Variants in SCAI observed in about 807,000 individuals in gnomAD.
SCAI encodes the protein protein SCAI.
In SCAI, 24 loss-of-function variants were observed where a neutral mutation model predicts 92.2. That is an observed-to-expected ratio of 0.26 (90% confidence interval 0.19 to 0.37). SCAI has a LOEUF of 0.37. Among genes scored for constraint, SCAI ranks in the 10% least tolerant of loss-of-function variants. The probability of loss-of-function intolerance (pLI) is 1.00; values close to 1 mark genes in which losing one functional copy is unlikely to be tolerated. For missense variants in SCAI, 450 were observed against 736.2 expected, an observed-to-expected ratio of 0.61 and a Z score of 4.50; for synonymous variants, 261 against 258.6, an observed-to-expected ratio of 1.01 and a Z score of -0.09.
At chr9:125,028,582 C>T in intron 4 of SCAI, 104 bp from the exon 5 acceptor site, 1 of 477,304 alleles carries the variant, frequency 2.1e-6, no homozygotes, top group Non-Finnish European at 3.6e-6. Context: ...TTCAGCAAAG[C>T]TAATGAATTT....
Position 125,143,442 on chromosome 9 carries a change from C to T in SCAI, c.-5G>A. Reference sequence around the variant, plus strand: ...CTGCCGGGCTCCTCTGACCATCCGGCTCCTGCTCCGCCGCGGGAGCTGCTC... The same window carrying T: ...CTGCCGGGCTCCTCTGACCATCCGGTTCCTGCTCCGCCGCGGGAGCTGCTC... On this transcript the variant is annotated 5_prime_UTR_variant, in exon 1 of 18. Transcript: ENST00000336505. 7.3e-7 allele frequency: 1 copy of T among 1,368,014 alleles called. No individual in the cohort carries two copies. Among genetic ancestry groups the T allele is most frequent in the South Asian group, 1.6e-5 (1 of 61,354 alleles). The allele number at this position is 1,368,014 out of a possible 1,614,324, so 84.7% of individuals were successfully genotyped here. A position where few individuals can be genotyped will look rare whatever the true frequency, so the allele number is the denominator to read the frequency against.
chr9:124,964,416 C>T (rs145690281), intron 17 of SCAI, among the ~76,000 whole-genome samples: 1 of 152,326 alleles, frequency 6.6e-6, no homozygotes, highest in Non-Finnish European at 1.5e-5. Flanking sequence ...TCATGCACAA[C>T]ATCTAGACAC....
intron 2 of SCAI, among the ~76,000 whole-genome samples, chr9:125,137,850 C>T (rs1177422442): frequency 6.6e-6 from 1 of 152,194 alleles, no homozygotes; most frequent in Non-Finnish European, 1.5e-5. Flanking sequence ...GATCCACCCG[C>T]CTCAGCCTCC....
Position 125,026,810 on chromosome 9 carries a change from A to C in SCAI, c.512+2T>G. On this transcript the variant is annotated splice_donor_variant, in intron 6 of 17. Transcript: ENST00000336505. LOFTEE classifies it high-confidence loss of function. ...CTTTCTAAAAACATAGCAGATACATACCTGTCCTCTTTATTGACTTGAGAA... is the reference window on the plus strand; with the variant it reads ...CTTTCTAAAAACATAGCAGATACATCCCTGTCCTCTTTATTGACTTGAGAA... 5 of 1,420,420 alleles carry C rather than the reference A, an allele frequency of 3.5e-6. No individual in the cohort carries two copies. Among genetic ancestry groups the C allele is most frequent in the Non-Finnish European group, 5.0e-6 (5 of 1,009,800 alleles). The allele number at this position is 1,420,420 out of a possible 1,614,324, so 88.0% of individuals were successfully genotyped here. A position where few individuals can be genotyped will look rare whatever the true frequency, so the allele number is the denominator to read the frequency against.
At chr9:125,130,071 G>A (rs1041365550) in intron 2 of SCAI, among the ~76,000 whole-genome samples, 2 of 151,502 alleles carry the variant, frequency 1.3e-5, no homozygotes, top group African/African-American at 4.9e-5. Context: ...GCTAATTTTT[G>A]TATTTTTAGT....
At chr9:125,105,452 C>G (rs1449372338) in intron 2 of SCAI, among the ~76,000 whole-genome samples, 1 of 152,226 alleles carries the variant, frequency 6.6e-6, no homozygotes, top group Non-Finnish European at 1.5e-5. Context: ...GGCCTTTTGG[C>G]CAAGATCAAG....
At chr9:124,972,128 T>A (rs1034143271) in intron 15 of SCAI, among the ~76,000 whole-genome samples, 50 of 152,186 alleles carry the variant, frequency 3.3e-4, no homozygotes, top group Non-Finnish European at 5.6e-4. Context: ...ATGGCAAGTG[T>A]TGGATTATGG....
intron 9 of SCAI, among the ~76,000 whole-genome samples, chr9:125,015,723 AT>A (rs1832743714): frequency 6.6e-6 from 1 of 152,194 alleles, no homozygotes. Flanking sequence ...ATAAAGACAC[AT>A]GCACACGTAT....
At chr9:124,999,740 A>G (rs1422716843) in intron 13 of SCAI, 151 bp downstream of exon 13, 1 of 526,130 alleles carries the variant, frequency 1.9e-6, no homozygotes, top group Non-Finnish European at 3.3e-6. Context: ...TTATTGCTGG[A>G]ATCCAAATAA....
chr9:125,082,721 G>T (rs1226281213), intron 2 of SCAI, among the ~76,000 whole-genome samples: 1 of 152,242 alleles, frequency 6.6e-6, no homozygotes, highest in Non-Finnish European at 1.5e-5. Flanking sequence ...GGAGCTTTAA[G>T]ATTTGACTGC....
intron 17 of SCAI, chr9:124,968,346 A>T (rs1831581058): frequency 1.7e-6 from 2 of 1,210,030 alleles, no homozygotes; most frequent in African/African-American, 3.0e-5. Context: ...TTTGGTTTTT[A>T]AGGCTTTAGT....
Position 125,055,859 on chromosome 9 carries a change from AC to A in SCAI, c.230+16del. 2.5e-6 allele frequency: 4 copies of A among 1,580,710 alleles called. No homozygotes were observed. Among genetic ancestry groups the A allele is most frequent in the Non-Finnish European group, 3.4e-6 (4 of 1,168,776 alleles). On this transcript the variant is annotated intron_variant, in intron 3 of 17. Coordinates refer to ENST00000336505, the MANE Select transcript of SCAI (RefSeq NM_001144877.3). ...GCAGAACTAAAGAAAAGTTCAAAAC[AC>A]CAAGAGTCCACTCACCTTAACCCAT...
At chr9:125,029,065 T>A (rs1412744256) in intron 4 of SCAI, among the ~76,000 whole-genome samples, 1 of 152,226 alleles carries the variant, frequency 6.6e-6, no homozygotes, top group African/African-American at 2.4e-5. Context: ...CCTAAAGTGC[T>A]GGGATTACAG....
chr9:125,060,633 TAGTG>T (rs1184166084), intron 2 of SCAI, among the ~76,000 whole-genome samples: 6 of 152,186 alleles, frequency 3.9e-5, no homozygotes, highest in Non-Finnish European at 7.4e-5. Flanking sequence ...ATTCTCATGA[TAGTG>T]AGTAAGTCTC....
intron 2 of SCAI, among the ~76,000 whole-genome samples, chr9:125,092,772 T>C (rs1159091426): frequency 6.6e-6 from 1 of 152,228 alleles, no homozygotes; most frequent in Non-Finnish European, 1.5e-5. Flanking sequence ...CTCTTCTTTC[T>C]AGCTCACATG....
intron 13 of SCAI, among the ~76,000 whole-genome samples, chr9:124,998,101 G>A (rs541130037): frequency 6.6e-6 from 1 of 152,008 alleles, no homozygotes; most frequent in South Asian, 2.1e-4. Flanking sequence ...CACTGCTCCT[G>A]GCCTGAAGTT....
intron 2 of SCAI, among the ~76,000 whole-genome samples, chr9:125,070,879 C>T (rs761433947): frequency 3.9e-5 from 6 of 152,150 alleles, no homozygotes; most frequent in African/African-American, 9.7e-5. Flanking sequence ...CTACCCAAAT[C>T]GCATCTTGAA....
intron 14 of SCAI, among the ~76,000 whole-genome samples, chr9:124,977,603 G>A (rs1312293423): frequency 6.6e-6 from 1 of 152,200 alleles, no homozygotes; most frequent in Non-Finnish European, 1.5e-5. Flanking sequence ...GCACCAGGGA[G>A]GTCAAGGCTA....
chr9:124,981,368 C>T (rs1207361645), intron 14 of SCAI, among the ~76,000 whole-genome samples: 1 of 152,144 alleles, frequency 6.6e-6, no homozygotes, highest in Non-Finnish European at 1.5e-5. Context: ...ATCCGAACAA[C>T]TCTTGTTATT....
Sources: gnomAD v4.1 joint callset for allele counts (sites outside exome capture counted in the v4.1 genomes callset) on GRCh38, gnomAD v4.1.1 for gene constraint, MANE v1.5 for transcripts, NCBI Gene and HGNC (gene_info 2026-07-23, HGNC 2026-07-21) for gene names.